AR: variants seen among roughly 807,000 people sequenced by gnomAD.
AR encodes the protein dihydrotestosterone receptor.
Under a neutral mutation model 53.9 loss-of-function variants are expected in AR, and 8 were observed. That is an observed-to-expected ratio of 0.15 (90% CI 0.09 to 0.27). AR has a LOEUF of 0.27. AR is among the 10% of genes least tolerant of loss of function. The pLI is 1.00. For synonymous variants in AR, 359 were observed against 316.4 expected (o/e 1.13, Z -1.43); for missense variants, 639 against 742.5 (o/e 0.86, Z 1.62).
Position 67,544,223 on chromosome X carries a change from A to G in AR, c.-924A>G. 2.3e-5 allele frequency: 3 copies of G among 129,501 alleles called. No individual in the cohort carries two copies. Among genetic ancestry groups the G allele is most frequent in the East Asian group, 1.4e-4 (1 of 7,352 alleles). The allele number at this position is 129,501 out of a possible 1,213,427, so 10.7% of individuals were successfully genotyped here. ...CGCCTCTTGCAGCGCGGCGGCTTCG[A>G]AGCCGCCGCCCGGAGCTGCCCTTTC... On this transcript the variant is annotated 5_prime_UTR_variant, in exon 1 of 8. Coordinates refer to ENST00000374690, the MANE Select transcript of AR (RefSeq NM_000044.6).
At chrX:67,675,094 A>T (rs747754339) in intron 2 of AR, among the ~76,000 whole-genome samples, 2 of 109,905 alleles carry the variant, frequency 1.8e-5, no homozygotes, top group Non-Finnish European at 3.8e-5. Context: ...ATCATTTGGG[A>T]GCTAGGGCCT....
intron 1 of AR, among the ~76,000 whole-genome samples, chrX:67,584,126 T>C (rs1334793800): frequency 2.7e-5 from 3 of 112,092 alleles, no homozygotes; most frequent in African/African-American, 6.5e-5. Context: ...TTACTACTTA[T>C]TGGGGATCCT....
chrX:67,619,237 A>C (rs911513072), intron 1 of AR, among the ~76,000 whole-genome samples: 8 of 111,253 alleles, frequency 7.2e-5, no homozygotes, highest in Admixed American at 6.7e-4. Context: ...GGTCCTGTGT[A>C]ATTTATGGAC....
intron 1 of AR, among the ~76,000 whole-genome samples, chrX:67,567,219 A>G (rs781354212): frequency 9.0e-6 from 1 of 111,637 alleles, no homozygotes; most frequent in Non-Finnish European, 1.9e-5. Flanking sequence ...ACTGGGACCC[A>G]GAGTCTTAAT....
At chrX:67,591,694 T>C (rs1341871800) in intron 1 of AR, among the ~76,000 whole-genome samples, 1 of 110,999 alleles carries the variant, frequency 9.0e-6, no homozygotes, top group Non-Finnish European at 1.9e-5. Flanking sequence ...AAACATAAAA[T>C]CCTCCAAGGG....
intron 1 of AR, among the ~76,000 whole-genome samples, chrX:67,639,538 C>G (rs759308302): frequency 2.7e-5 from 3 of 111,352 alleles, no homozygotes; most frequent in Non-Finnish European, 3.8e-5. Context: ...CTTCACATCC[C>G]TTGTAAGTTG....
chrX:67,628,870 C>T (rs931025053), intron 1 of AR, among the ~76,000 whole-genome samples: 3 of 111,428 alleles, frequency 2.7e-5, no homozygotes, highest in Admixed American at 9.5e-5. Context: ...TTGTCAAAGG[C>T]CTTTTCTGCA....
At chrX:67,621,104 A>G (rs1329847005) in intron 1 of AR, among the ~76,000 whole-genome samples, 1 of 111,745 alleles carries the variant, frequency 8.9e-6, no homozygotes, top group Non-Finnish European at 1.9e-5. Flanking sequence ...CCAGAATTTG[A>G]CAGGAAATAT....
At chrX:67,624,025 G>A (rs1924498427) in intron 1 of AR, among the ~76,000 whole-genome samples, 1 of 110,810 alleles carries the variant, frequency 9.0e-6, no homozygotes, top group Non-Finnish European at 1.9e-5. Context: ...TGGAAGACAT[G>A]TCTTCACACG....
rs1322366007 is a variant in AR at position 67,638,691 on chromosome X, T to C, written c.1617-4565T>C. On this transcript the variant is annotated intron_variant, in intron 1 of 7. Transcript: ENST00000374690. ...GTTGTTTGTCTTTTTCTTGTAAATT[T>C]GTTTAAGTTCATTGCACATTCTGGA... Among the ~76,000 whole-genome samples, 4 of 112,204 alleles carry C rather than the reference T, an allele frequency of 3.6e-5. No individual in the cohort carries two copies. In the East Asian group the frequency reaches 1.1e-3, roughly 31 times the overall value.
At chrX:67,631,260 G>A (rs368270570) in intron 1 of AR, among the ~76,000 whole-genome samples, 30 of 111,551 alleles carry the variant, frequency 2.7e-4, no homozygotes, top group South Asian at 2.3e-3. Context: ...CATTCTCCCC[G>A]TCACTTTCAG....
At chrX:67,571,879 C>T (rs961888689) in intron 1 of AR, among the ~76,000 whole-genome samples, 6 of 108,694 alleles carry the variant, frequency 5.5e-5, no homozygotes, top group Non-Finnish European at 7.7e-5. Flanking sequence ...TAATTCAGAC[C>T]GTTGAATTGA....
intron 2 of AR, among the ~76,000 whole-genome samples, chrX:67,646,224 G>T (rs1235782198): frequency 1.8e-5 from 2 of 111,434 alleles, no homozygotes; most frequent in African/African-American, 6.5e-5. Context: ...CATTGGTGCA[G>T]GGCTCAGCAC....
intron 1 of AR, among the ~76,000 whole-genome samples, chrX:67,639,540 T>TGTACG (rs1272020540): frequency 9.0e-6 from 1 of 111,496 alleles, no homozygotes; most frequent in Non-Finnish European, 1.9e-5. Flanking sequence ...TCACATCCCT[T>TGTACG]GTAAGTTGGA....
At chrX:67,687,446 G>T (rs1041206648) in intron 3 of AR, among the ~76,000 whole-genome samples, 1 of 112,129 alleles carries the variant, frequency 8.9e-6, no homozygotes, top group African/African-American at 3.2e-5. Flanking sequence ...ATCACAGGTA[G>T]ATGTTCTGTG....
In AR at chrX:67,704,116, G is replaced by C. The variant is rs1423807094; in HGVS notation, c.1886-7286G>C. Among the ~76,000 whole-genome samples, 5 of 111,893 alleles carry C rather than the reference G, an allele frequency of 4.5e-5. No individual in the cohort carries two copies. The Admixed American group carries it at 4.7e-4, about 11-fold the overall frequency. On this transcript the variant is annotated intron_variant, in intron 3 of 7. Coordinates refer to ENST00000374690, the MANE Select transcript of AR (RefSeq NM_000044.6). ...TGCCACAATAAACATATGTGTGCAT[G>C]TACCTTTAGAGCAGCATGACATATA... is the stretch of plus-strand genomic sequence containing the variant.
At chrX:67,603,478 TAGG>T (rs1255873731) in intron 1 of AR, among the ~76,000 whole-genome samples, 2 of 111,361 alleles carry the variant, frequency 1.8e-5, no homozygotes, top group Non-Finnish European at 1.9e-5. Context: ...AGGATTTGAA[TAGG>T]AGAAGGTGAA....
At chrX:67,607,933 C>G (rs2147383184) in intron 1 of AR, among the ~76,000 whole-genome samples, 1 of 111,948 alleles carries the variant, frequency 8.9e-6, no homozygotes, top group Non-Finnish European at 1.9e-5. Flanking sequence ...GCGCTCACAT[C>G]TAGTTCTGTT....
intron 2 of AR, among the ~76,000 whole-genome samples, chrX:67,674,621 C>A (rs2075888273): frequency 9.0e-6 from 1 of 111,731 alleles, no homozygotes; most frequent in African/African-American, 3.3e-5. Flanking sequence ...TACCACCAAT[C>A]TTCACTCAAG....
Sources: allele counts gnomAD v4.1 joint callset (sites outside exome capture counted in the v4.1 genomes callset), GRCh38; gene constraint gnomAD v4.1.1; transcripts MANE v1.5; gene names NCBI Gene and HGNC (gene_info 2026-07-23, HGNC 2026-07-21).